TRNT1: variants seen among roughly 807,000 people sequenced by gnomAD.
TRNT1 encodes CCA tRNA nucleotidyltransferase 1, mitochondrial.
TRNT1 carries 44 observed loss-of-function variants against 45.6 expected under a neutral mutation model. The observed-to-expected ratio is 0.97, with a 90% CI of 0.76 to 1.24. TRNT1 has a LOEUF of 1.24. Ranked by LOEUF, TRNT1 falls within the 50% of genes most tolerant of loss-of-function variation. The pLI, the probability that TRNT1 is intolerant of heterozygous loss-of-function variation, is 0.00. For missense variants in TRNT1, 633 were observed against 504.4 expected (o/e 1.25, Z -2.44); for synonymous variants, 201 against 171.4 (o/e 1.17, Z -1.35).
At chr3:3,143,119 C>T (rs187002435) in intron 4 of TRNT1, among the ~76,000 whole-genome samples, 20 of 152,286 alleles carry the variant, frequency 1.3e-4, no homozygotes, top group Admixed American at 8.5e-4. Flanking sequence ...TGAAGTATCT[C>T]ATAGATCACT....
intron 2 of TRNT1, 131 bp downstream of exon 2, chr3:3,129,319 A>G (rs1026277384): frequency 1.1e-6 from 1 of 896,250 alleles, no homozygotes; most frequent in Non-Finnish European, 1.7e-6. Flanking sequence ...ACGTAAGTAG[A>G]GGGTCTCTTT....
chr3:3,136,887 G>A (rs998963213), intron 2 of TRNT1: 5 of 284,558 alleles, frequency 1.8e-5, no homozygotes, highest in African/African-American at 1.1e-4. Context: ...CTGGGCTCAA[G>A]TGATCTTTTC....
intron 4 of TRNT1, 21 bp from the exon 5 acceptor site, chr3:3,144,563 C>T (rs1431456811): frequency 1.3e-6 from 2 of 1,563,602 alleles, no homozygotes; most frequent in Non-Finnish European, 8.7e-7. Flanking sequence ...TGATTTTTCT[C>T]CCTCCTTTTC....
intron 5 of TRNT1, 38 bp from the exon 6 acceptor site, chr3:3,146,392 A>G: frequency 1.3e-6 from 2 of 1,523,426 alleles, no homozygotes; most frequent in Non-Finnish European, 1.8e-6. Context: ...TGATATGCCA[A>G]TATAGAGGTA....
chr3:3,129,184 G>C lies in TRNT1; in HGVS notation c.144G>C (p.Leu48=). ...TTTTCACAGAAGGACTGAAGAGTCT[G>C]ACAGGTGAGAGATTAGGATACCTTT... ...QSLFTEGLKS[L]TELFVKENHE... Residue 48 remains leucine (L), a synonymous_variant, in exon 2 of 8, where the codon CTG becomes CTC. Transcript: ENST00000251607. 6.2e-7 allele frequency: 1 copy of C among 1,614,054 alleles called. No individual in the cohort carries two copies. Among genetic ancestry groups the C allele is most frequent in the Non-Finnish European group, 8.5e-7 (1 of 1,179,976 alleles).
At chr3:3,144,523 TTG>T (rs1174618083) in intron 4 of TRNT1, 59 bp from the exon 5 acceptor site, 1 of 1,481,926 alleles carries the variant, frequency 6.7e-7, no homozygotes, top group South Asian at 1.2e-5. Context: ...GCTGATTTTC[TTG>T]TGTTTTCAAA....
At chr3:3,133,507 G>C (rs1705141245) in intron 2 of TRNT1, among the ~76,000 whole-genome samples, 1 of 151,980 alleles carries the variant, frequency 6.6e-6, no homozygotes, top group South Asian at 2.1e-4. Context: ...AGAGTGAGCT[G>C]TGGTGGTGCC....
At position 3,144,657 on chromosome 3, in the gene TRNT1, A is replaced by C. The variant is rs767592189; in HGVS notation, c.555A>C (p.Gly185=). 1.9e-6 allele frequency: 3 copies of C among 1,579,404 alleles called. No individual in the cohort carries two copies. Among genetic ancestry groups the C allele is most frequent in the Non-Finnish European group, 2.6e-6 (3 of 1,154,036 alleles). The change falls in exon 5 of 8, where the codon GGA becomes GGC. Residue 185 remains glycine (G), a synonymous_variant. Coordinates refer to ENST00000251607, the MANE Select transcript of TRNT1 (RefSeq NM_182916.3). ...AAAATAAGAAAGTTAGATTTGTTGGACATGCTAAACAGAGAATACAAGAGG... is the reference window on the plus strand; with the variant it reads ...AAAATAAGAAAGTTAGATTTGTTGGCCATGCTAAACAGAGAATACAAGAGG... ...DLKNKKVRFV[G]HAKQRIQEDY...
At chr3:3,128,716 G>C (rs1419571449) in intron 1 of TRNT1, among the ~76,000 whole-genome samples, 1 of 151,946 alleles carries the variant, frequency 6.6e-6, no homozygotes, top group Non-Finnish European at 1.5e-5. Context: ...TTGTTTAAGG[G>C]CACTGGCTGG....
chr3:3,143,558 C>T (rs777375158), intron 4 of TRNT1, among the ~76,000 whole-genome samples: 4 of 152,130 alleles, frequency 2.6e-5, no homozygotes, highest in Non-Finnish European at 5.9e-5. Context: ...GCATCGTTGC[C>T]GATCTGAAAG....
intron 3 of TRNT1, 112 bp from the exon 4 acceptor site, chr3:3,140,398 G>C: frequency 1.0e-6 from 1 of 989,608 alleles, no homozygotes; most frequent in Non-Finnish European, 1.5e-6. Flanking sequence ...GACTATAACT[G>C]TCAGGGCTTA....
rs1374170547 is a variant in TRNT1 at position 3,140,522 on chromosome 3, A to C, written c.355A>C (p.Asn119His). 2 of 1,612,192 alleles carry C rather than the reference A, an allele frequency of 1.2e-6. No individual in the cohort carries two copies. Among genetic ancestry groups the C allele is most frequent in the South Asian group, 2.2e-5 (2 of 90,660 alleles). The change falls in exon 4 of 8, where the codon AAT becomes CAT. Residue 119 changes from asparagine to histidine, a missense_variant. Transcript: ENST00000251607. ...TATTTAATTGCAGCTTCATGAAGAA[A>C]ATTTTGAGATTACTACACTACGGAT... Reference protein sequence around the residue: ...GTITARLHEENFEITTLRIDV... With the variant: ...GTITARLHEEHFEITTLRIDV...
At chr3:3,153,383 C>G (rs551310625), downstream of TRNT1, 33 of 1,101,336 alleles carry the variant, frequency 3.0e-5, 1 homozygote, top group African/African-American at 4.6e-4. Flanking sequence ...CATTATAATT[C>G]TGATAAGGCA....
At chr3:3,146,976 G>C (rs560009148) in intron 6 of TRNT1, among the ~76,000 whole-genome samples, 1 of 152,308 alleles carries the variant, frequency 6.6e-6, no homozygotes, top group South Asian at 2.1e-4. Flanking sequence ...GTTAATACAT[G>C]TAAAGCTCTT....
chr3:3,144,750 C>A, intron 5 of TRNT1, 40 bp downstream of exon 5: 2 of 1,470,510 alleles, frequency 1.4e-6, no homozygotes, highest in Non-Finnish European at 9.2e-7. Context: ...GTTTTAATAT[C>A]ATGACTAGAG....
At chr3:3,132,742 A>AAAAAAAAAAAAAAAAAAAT (rs1705091071) in intron 2 of TRNT1, among the ~76,000 whole-genome samples, 1 of 134,876 alleles carries the variant, frequency 7.4e-6, no homozygotes. Flanking sequence ...AAAAAAAAAA[A>AAAAAAAAAAAAAAAAAAAT]AACACAAAAA....
downstream of TRNT1, among the ~76,000 whole-genome samples, chr3:3,152,055 T>C (rs1264858679): frequency 6.6e-6 from 1 of 152,178 alleles, no homozygotes; most frequent in Non-Finnish European, 1.5e-5. Context: ...ACAACTGCAG[T>C]TGTCAACCTT....
chr3:3,149,615 C>G (rs1431526108), downstream of TRNT1: 2 of 152,032 alleles, frequency 1.3e-5, no homozygotes, highest in Non-Finnish European at 2.9e-5. Context: ...ACTATAGGAA[C>G]AAACCAGACC....
chr3:3,151,502 A>AAAAACTAG (rs3840225), downstream of TRNT1, among the ~76,000 whole-genome samples: 1 of 151,800 alleles, frequency 6.6e-6, no homozygotes, highest in Non-Finnish European at 1.5e-5. Flanking sequence ...GTAAATATTT[A>AAAAACTAG]TATTCTAAAA....
Sources: allele counts gnomAD v4.1 joint callset (sites outside exome capture counted in the v4.1 genomes callset), GRCh38; gene constraint gnomAD v4.1.1; transcripts MANE v1.5; gene names NCBI Gene and HGNC (gene_info 2026-07-23, HGNC 2026-07-21).